PPP1R12B: variants seen among roughly 807,000 people sequenced by gnomAD.
PPP1R12B encodes the protein myosin phosphatase target subunit 2.
Under a neutral mutation model 126.1 loss-of-function variants are expected in PPP1R12B, and 76 were observed. That is an observed-to-expected ratio of 0.60 (90% CI 0.50 to 0.73). PPP1R12B has a LOEUF of 0.73. PPP1R12B is among the 30% of genes least tolerant of loss of function. The pLI is 0.00. For synonymous variants in PPP1R12B, 356 were observed against 434.7 expected, an observed-to-expected ratio of 0.82 and a Z score of 2.25; for missense variants, 1,052 against 1,205.1, an observed-to-expected ratio of 0.87 and a Z score of 1.88.
intron 6 of PPP1R12B, among the ~76,000 whole-genome samples, chr1:202,430,310 A>G (rs959700767): frequency 3.3e-5 from 5 of 152,218 alleles, no homozygotes; most frequent in Admixed American, 1.3e-4. Context: ...TGTCTAGAGC[A>G]TGCATCTAAA....
In PPP1R12B at chr1:202,558,957, A is replaced by G. The variant is rs374142462; in HGVS notation, c.2507+64A>G. On this transcript the variant is annotated intron_variant, in intron 19 of 23. Coordinates refer to ENST00000608999, the MANE Select transcript of PPP1R12B (RefSeq NM_002481.4). ...TGTGAGTGAATGCATGTCGAATTAA[A>G]CTTAGCTTTATATAATAATTCAGTA... The G allele has an allele frequency of 2.1e-6, 3 of 1,460,032 alleles. No individual in the cohort carries two copies. In the Admixed American group the frequency reaches 7.1e-5, roughly 35 times the overall value. The allele number at this position is 1,460,032 out of a possible 1,614,324, so 90.4% of individuals were successfully genotyped here.
chr1:202,455,775 G>A (rs1330450883), intron 13 of PPP1R12B, among the ~76,000 whole-genome samples: 2 of 152,140 alleles, frequency 1.3e-5, no homozygotes, highest in Non-Finnish European at 2.9e-5. Context: ...AAGATTTTAA[G>A]CAAAAAGTAC....
At position 202,581,327 on chromosome 1, in the gene PPP1R12B, GT is replaced by G. The variant is rs1689536641; in HGVS notation, c.*769del. 1 of 152,446 alleles carries G rather than the reference GT, an allele frequency of 6.6e-6. No individual in the cohort carries two copies. Among genetic ancestry groups the G allele is most frequent in the African/African-American group, 2.4e-5 (1 of 41,398 alleles). The allele number at this position is 152,446 out of a possible 1,614,324, so 9.4% of individuals were successfully genotyped here. On this transcript the variant is annotated 3_prime_UTR_variant, in exon 24 of 24. Coordinates refer to ENST00000608999, the MANE Select transcript of PPP1R12B (RefSeq NM_002481.4). ...AGCTAGGACAGAGCACCTGACCTCAGTTGTCTTTGGCCATTGTGGGAAGTCA... is the reference window on the plus strand; with the variant it reads ...AGCTAGGACAGAGCACCTGACCTCAGTGTCTTTGGCCATTGTGGGAAGTCA...
At chr1:202,441,966 C>T (rs567789612) in intron 11 of PPP1R12B, among the ~76,000 whole-genome samples, 102 of 152,082 alleles carry the variant, frequency 6.7e-4, no homozygotes, top group African/African-American at 2.1e-3. Flanking sequence ...AAGCGATTCT[C>T]GTGCCTCAGC....
chr1:202,446,232 CTCTCTATA>C (rs1377286121), intron 12 of PPP1R12B, among the ~76,000 whole-genome samples: 2 of 73,422 alleles, frequency 2.7e-5, no homozygotes, highest in African/African-American at 8.7e-5. Context: ...CTCTCTCTCT[CTCTCTATA>C]TATATATATA....
chr1:202,562,621 G>A (rs527419462), intron 19 of PPP1R12B, 157 bp from the exon 20 acceptor site: 15 of 887,280 alleles, frequency 1.7e-5, no homozygotes, highest in South Asian at 1.4e-4. Context: ...GTCTGGGAAC[G>A]CTGGCAGAGA....
intron 18 of PPP1R12B, among the ~76,000 whole-genome samples, chr1:202,531,195 C>T (rs1020022925): frequency 5.9e-5 from 9 of 152,156 alleles, no homozygotes; most frequent in Admixed American, 5.9e-4. Context: ...ATTTTTGGCC[C>T]TTCTAAGTAC....
At chr1:202,457,549 T>C (rs1373421780) in intron 13 of PPP1R12B, among the ~76,000 whole-genome samples, 3 of 144,314 alleles carry the variant, frequency 2.1e-5, no homozygotes, top group Non-Finnish European at 4.5e-5. Flanking sequence ...CGAGACTCCA[T>C]CTCAAAAAAA....
At chr1:202,413,201 A>T (rs1667630855) in intron 1 of PPP1R12B, among the ~76,000 whole-genome samples, 1 of 152,088 alleles carries the variant, frequency 6.6e-6, no homozygotes, top group African/African-American at 2.4e-5. Flanking sequence ...AATCTCAGTA[A>T]CTGTAAAAGA....
chr1:202,377,415 G>T (rs1661365013), intron 1 of PPP1R12B, among the ~76,000 whole-genome samples: 1 of 151,274 alleles, frequency 6.6e-6, no homozygotes, highest in South Asian at 2.1e-4. Flanking sequence ...CCATTCTCCT[G>T]CCTCAGCCTC....
chr1:202,348,778 G>T lies in PPP1R12B; in HGVS notation c.-74G>T. 6.7e-7 allele frequency: 1 copy of T among 1,503,558 alleles called. No homozygotes were observed. The highest frequency in any genetic ancestry group is 8.9e-7 in the Non-Finnish European group (1 of 1,128,682). The allele number at this position is 1,503,558 out of a possible 1,614,324, so 93.1% of individuals were successfully genotyped here. On this transcript the variant is annotated 5_prime_UTR_variant, in exon 1 of 24. Coordinates refer to ENST00000608999, the MANE Select transcript of PPP1R12B (RefSeq NM_002481.4). Reference sequence around the variant, plus strand: ...TCCGGGCTGAAGCGCTCTGAGAGAGGCGGCAGCGGCAACTCGAGCCCCAAC... The same window carrying T: ...TCCGGGCTGAAGCGCTCTGAGAGAGTCGGCAGCGGCAACTCGAGCCCCAAC...
chr1:202,468,813 G>A (rs1017132877), intron 13 of PPP1R12B, among the ~76,000 whole-genome samples: 4 of 152,084 alleles, frequency 2.6e-5, no homozygotes, highest in Non-Finnish European at 5.9e-5. Flanking sequence ...AATTAGCCAG[G>A]CATGGTGGCG....
chr1:202,580,204 G>A (rs374481421), intron 23 of PPP1R12B, among the ~76,000 whole-genome samples: 196 of 152,354 alleles, frequency 1.3e-3, no homozygotes, highest in African/African-American at 4.6e-3. Context: ...AGTGTGAAAT[G>A]TGAGGTCTGC....
intron 2 of PPP1R12B, chr1:202,417,343 C>G (rs1027553974): frequency 4.1e-6 from 4 of 985,132 alleles, no homozygotes; most frequent in Non-Finnish European, 4.8e-6. Context: ...GCATACCAGT[C>G]ACAGCACTCG....
chr1:202,422,053 A>G (rs1244762196), intron 2 of PPP1R12B, among the ~76,000 whole-genome samples: 1 of 152,252 alleles, frequency 6.6e-6, no homozygotes, highest in Non-Finnish European at 1.5e-5. Flanking sequence ...GTATTGAATT[A>G]TCAGACCTTT....
At chr1:202,398,250 CAAAA>C (rs1665296672) in intron 1 of PPP1R12B, among the ~76,000 whole-genome samples, 8 of 152,220 alleles carry the variant, frequency 5.3e-5, no homozygotes, top group African/African-American at 1.9e-4. Flanking sequence ...ACATTAGAAA[CAAAA>C]GAAGCAAAAA....
At chr1:202,438,435 G>A (rs1045180961) in intron 10 of PPP1R12B, 8 of 454,020 alleles carry the variant, frequency 1.8e-5, no homozygotes, top group Admixed American at 1.0e-4. Context: ...CTCTGCCCCC[G>A]CCTCCTGCCA....
At chr1:202,443,981 G>A (rs901392936) in intron 12 of PPP1R12B, among the ~76,000 whole-genome samples, 1 of 152,190 alleles carries the variant, frequency 6.6e-6, no homozygotes, top group South Asian at 2.1e-4. Context: ...AGGAAAAGAT[G>A]TACAACTTGC....
intron 1 of PPP1R12B, among the ~76,000 whole-genome samples, chr1:202,412,185 A>G (rs1360607050): frequency 6.6e-6 from 1 of 152,196 alleles, no homozygotes; most frequent in African/African-American, 2.4e-5. Context: ...CTGTAGTGGC[A>G]TGTAGCTGTA....
Sources: gnomAD v4.1 joint callset for allele counts (sites outside exome capture counted in the v4.1 genomes callset) on GRCh38, gnomAD v4.1.1 for gene constraint, MANE v1.5 for transcripts, NCBI Gene and HGNC (gene_info 2026-07-23, HGNC 2026-07-21) for gene names.